Variants in KLF13 observed in about 807,000 individuals in gnomAD.
KLF13 encodes the protein KLF transcription factor 13.
A neutral mutation model predicts 16.7 loss-of-function variants in KLF13; 8 were observed. The observed-to-expected ratio is 0.48, with a 90% confidence interval of 0.28 to 0.87. The LOEUF (loss-of-function observed/expected upper bound fraction) is 0.87, where lower values mean the gene tolerates loss of function less well. KLF13 is among the 40% of genes least tolerant of loss of function. The pLI is 0.10. For synonymous variants in KLF13, 245 were observed against 208.4 expected (o/e 1.18, Z -1.51); for missense variants, 447 against 452.2 (o/e 0.99, Z 0.10).
At chr15:31,337,183 C>G (rs4779860) in intron 1 of KLF13, among the ~76,000 whole-genome samples, 20,459 of 152,280 alleles carry the variant, frequency 0.13, 1,546 homozygotes, top group Admixed American at 0.2. Context: ...GCTAAGTGGC[C>G]TGCGGCAGGG....
intron 1 of KLF13, among the ~76,000 whole-genome samples, chr15:31,419,841 C>A (rs1429616455): frequency 1.3e-5 from 2 of 152,054 alleles, no homozygotes; most frequent in Non-Finnish European, 2.9e-5. Context: ...CAAAGAAGAA[C>A]CCAAAGATGC....
At position 31,413,187 on chromosome 15, in the gene KLF13, C is replaced by CAA. The variant is rs1161762538; in HGVS notation, n.117+19510_117+19511dup. Among the ~76,000 whole-genome samples, 303 of 63,244 alleles carry CAA rather than the reference C, an allele frequency of 4.8e-3. 9 individuals carry two copies. The highest frequency in any genetic ancestry group is 6.9e-3 in the African/African-American group (154 of 22,432). 41.5% of individuals were successfully genotyped at this position (63,244 alleles called of 152,430 possible). ...GAAGAACAGAGAGAAAATGAATAGACAAAAAAAAAAAAAAACAAAAAACAA... is the reference window on the plus strand; with the variant it reads ...GAAGAACAGAGAGAAAATGAATAGACAAAAAAAAAAAAAAAAACAAAAAACAA... On this transcript the variant is annotated intron_variant and non_coding_transcript_variant, in intron 1 of 1. Coordinates refer to the KLF13 transcript ENST00000558225.
intron 1 of KLF13, among the ~76,000 whole-genome samples, chr15:31,364,265 C>A (rs774699613): frequency 6.6e-6 from 1 of 152,214 alleles, no homozygotes; most frequent in Non-Finnish European, 1.5e-5. Context: ...AAAATATCTT[C>A]GCAAGCATTG....
At chr15:31,405,262 C>T (rs1453200165), downstream of KLF13, among the ~76,000 whole-genome samples, 9 of 152,022 alleles carry the variant, frequency 5.9e-5, no homozygotes, top group South Asian at 2.1e-4. Context: ...TGCAGTGAGC[C>T]GAGATCGCAC....
At chr15:31,424,331 G>T (rs2141011427) in intron 1 of KLF13, among the ~76,000 whole-genome samples, 1 of 152,128 alleles carries the variant, frequency 6.6e-6, no homozygotes, top group African/African-American at 2.4e-5. Context: ...CAAAATACTA[G>T]CAAACCAAAT....
At chr15:31,350,837 G>C (rs1024092996) in intron 1 of KLF13, among the ~76,000 whole-genome samples, 1 of 152,276 alleles carries the variant, frequency 6.6e-6, no homozygotes, top group Non-Finnish European at 1.5e-5. Flanking sequence ...GGCCAGGCCA[G>C]AATGCAGGCC....
intron 1 of KLF13, among the ~76,000 whole-genome samples, chr15:31,423,106 CGTATACGTAT>C: frequency 1.8e-5 from 1 of 54,148 alleles, no homozygotes. Flanking sequence ...TATACGTATA[CGTATACGTAT>C]ATATACGTAT....
In KLF13 at chr15:31,383,046, A is replaced by G. The variant is rs184435869; in HGVS notation, n.224-52324A>G. On this transcript the variant is annotated intron_variant and non_coding_transcript_variant, in intron 1 of 1. Transcript: ENST00000558921. ...GGCCAGGGGACCAGGGAGAATCAAC[A>G]GTAAATATCAAGATGGCCTGCATAA... is the stretch of plus-strand genomic sequence containing the variant. Among the ~76,000 whole-genome samples, 541 of 152,358 alleles carry G rather than the reference A, an allele frequency of 3.6e-3. 2 individuals carry two copies. Among genetic ancestry groups the G allele is most frequent in the Non-Finnish European group, 6.3e-3 (428 of 68,032 alleles).
downstream of KLF13, among the ~76,000 whole-genome samples, chr15:31,378,311 C>G (rs1260002802): frequency 2.0e-5 from 3 of 152,182 alleles, no homozygotes; most frequent in Non-Finnish European, 4.4e-5. Flanking sequence ...ACCCCTCAGC[C>G]TAGAGTCTAG....
At chr15:31,380,543 T>C (rs558286086), downstream of KLF13, among the ~76,000 whole-genome samples, 3 of 152,306 alleles carry the variant, frequency 2.0e-5, no homozygotes, top group South Asian at 6.2e-4. Flanking sequence ...TTGTTGGTCA[T>C]GTTGGGGTGT....
At position 31,330,087 on chromosome 15, in the gene KLF13, A is replaced by G. The variant is rs532094809; in HGVS notation, c.577+2298A>G. Among the ~76,000 whole-genome samples, 22 of 152,330 alleles carry G rather than the reference A, an allele frequency of 1.4e-4. No homozygotes were observed. The South Asian group carries it at 4.4e-3, about 30-fold the overall frequency. On this transcript the variant is annotated intron_variant, in intron 1 of 1. Coordinates refer to ENST00000307145, the MANE Select transcript of KLF13 (RefSeq NM_015995.4). ...CAGCCCCTTCCCAGGTGTGCAGAGC[A>G]TAAGTAACTGGTGTTCCTCAAGGGA...
chr15:31,352,584 T>C (rs976551152), intron 1 of KLF13, among the ~76,000 whole-genome samples: 1 of 152,058 alleles, frequency 6.6e-6, no homozygotes, highest in African/African-American at 2.4e-5. Context: ...GCTGGCCCCG[T>C]GGAAGGGCCT....
At chr15:31,413,524 T>A (rs1202281648) in intron 1 of KLF13, among the ~76,000 whole-genome samples, 1 of 152,154 alleles carries the variant, frequency 6.6e-6, no homozygotes, top group Non-Finnish European at 1.5e-5. Context: ...GCAGCTGACT[T>A]TTCATAACAA....
intron 1 of KLF13, among the ~76,000 whole-genome samples, chr15:31,336,725 C>G (rs559921914): frequency 6.6e-6 from 1 of 152,086 alleles, no homozygotes; most frequent in Non-Finnish European, 1.5e-5. Context: ...GAACCTGACT[C>G]CTTTGTTGAC....
At chr15:31,363,681 T>G (rs2140958857) in intron 1 of KLF13, among the ~76,000 whole-genome samples, 1 of 152,328 alleles carries the variant, frequency 6.6e-6, no homozygotes, top group African/African-American at 2.4e-5. Flanking sequence ...AGACGGGGTT[T>G]CACCATGTTG....
Position 31,372,539 on chromosome 15 carries a change from C to T in KLF13, c.*240C>T. The stretch of plus-strand genomic sequence containing the variant: ...AAGTTGAGATTCAGCGTTGTTGAAC[C>T]CCCTTTCTCAGGGATGGACACGTTT... On this transcript the variant is annotated 3_prime_UTR_variant, in exon 2 of 2. Transcript: ENST00000307145. The T allele has an allele frequency of 3.8e-6, 2 of 526,768 alleles. No homozygotes were observed. Among genetic ancestry groups the T allele is most frequent in the South Asian group, 3.1e-5 (1 of 31,816 alleles). The allele number at this position is 526,768 out of a possible 1,614,324, so 32.6% of individuals were successfully genotyped here. A position where few individuals can be genotyped will look rare whatever the true frequency, so the allele number is the denominator to read the frequency against.
In KLF13 at chr15:31,376,975, G is replaced by A. The variant is rs2039657601; in HGVS notation, c.*4676G>A. On this transcript the variant is annotated 3_prime_UTR_variant, in exon 2 of 2. Transcript: ENST00000307145. Reference sequence around the variant, plus strand: ...TCACACATTCCGGGGAGGGGGGTGGGGGGTGGAGGCAGGAAGTCATGGGGG... The same window carrying A: ...TCACACATTCCGGGGAGGGGGGTGGAGGGTGGAGGCAGGAAGTCATGGGGG... 6.7e-6 allele frequency: 1 copy of A among 148,468 alleles called. No individual in the cohort carries two copies. Among genetic ancestry groups the A allele is most frequent in the African/African-American group, 2.5e-5 (1 of 40,576 alleles). 9.2% of individuals were successfully genotyped at this position (148,468 alleles called of 1,614,324 possible). A position where few individuals can be genotyped will look rare whatever the true frequency, so the allele number is the denominator to read the frequency against.
intron 1 of KLF13, among the ~76,000 whole-genome samples, chr15:31,344,196 AC>A (rs1191604379): frequency 6.6e-6 from 1 of 152,060 alleles, no homozygotes; most frequent in Non-Finnish European, 1.5e-5. Context: ...CTCTCCCCAC[AC>A]CCATACCCAT....
intron 1 of KLF13, among the ~76,000 whole-genome samples, chr15:31,359,923 G>A (rs981004982): frequency 3.9e-5 from 6 of 152,168 alleles, no homozygotes; most frequent in African/African-American, 9.7e-5. Context: ...CCTCCACCCC[G>A]CATGTTGTGG....
Sources: allele counts gnomAD v4.1 joint callset (sites outside exome capture counted in the v4.1 genomes callset), GRCh38; gene constraint gnomAD v4.1.1; transcripts MANE v1.5; gene names NCBI Gene and HGNC (gene_info 2026-07-23, HGNC 2026-07-21).